Variants in BAHCC1 observed in about 807,000 individuals in gnomAD.
BAHCC1 encodes the protein BAH domain and coiled-coil containing 1.
A neutral mutation model predicts 88.2 loss-of-function variants in BAHCC1; 43 were observed. The observed-to-expected ratio is 0.49, with a 90% CI of 0.38 to 0.63. The LOEUF (loss-of-function observed/expected upper bound fraction) is 0.63, where lower values mean the gene tolerates loss of function less well. Ranked by LOEUF, BAHCC1 falls within the 20% of genes least tolerant of loss-of-function variation. BAHCC1 has a pLI of 0.00. For synonymous variants in BAHCC1, 1,510 were observed against 745.5 expected (o/e 2.03, Z -16.71); for missense variants, 3,023 against 1,654.8 (o/e 1.83, Z -14.34).
At chr17:81,417,329 G>T (rs1233686507) in intron 2 of BAHCC1, among the ~76,000 whole-genome samples, 1 of 152,106 alleles carries the variant, frequency 6.6e-6, no homozygotes, top group East Asian at 1.9e-4. Flanking sequence ...CTGGCCGACC[G>T]CCCCACAGCC....
At position 81,447,518 on chromosome 17, in the gene BAHCC1, G is replaced by A. The variant is rs782788294; in HGVS notation, c.3646G>A (p.Glu1216Lys). 2.9e-5 allele frequency: 22 copies of A among 751,350 alleles called. 1 individual carries two copies. Among genetic ancestry groups the A allele is most frequent in the South Asian group, 1.1e-4 (8 of 70,556 alleles). 46.5% of individuals were successfully genotyped at this position (751,350 alleles called of 1,614,324 possible). ...RAGSPGALED[E>K]GEQPAPEEDE... ...AGGGAGTCCGGGTGCCCTTGAGGACGAGGGGGAGCAGCCGGCCCCTGAGGA... is the reference window on the plus strand; with the variant it reads ...AGGGAGTCCGGGTGCCCTTGAGGACAAGGGGGAGCAGCCGGCCCCTGAGGA... The change falls in exon 11 of 28, where the codon GAG (glutamate) becomes AAG (lysine). Residue 1216 changes from glutamate (E) to lysine (K), a missense_variant. Transcript: ENST00000675386.
intron 2 of BAHCC1, among the ~76,000 whole-genome samples, chr17:81,409,754 G>A (rs1315202235): frequency 2.0e-5 from 3 of 152,208 alleles, no homozygotes; most frequent in African/African-American, 4.8e-5. Flanking sequence ...CCTCTGCGAC[G>A]TCTCCATCCA....
At chr17:81,446,252 G>C (rs1418712947) in intron 10 of BAHCC1, among the ~76,000 whole-genome samples, 1 of 152,212 alleles carries the variant, frequency 6.6e-6, no homozygotes, top group Non-Finnish European at 1.5e-5. Flanking sequence ...AGCTAGCAGA[G>C]GGTTTTTCCG....
chr17:81,460,226 T>A (rs200738218), intron 23 of BAHCC1, 51 bp from the exon 24 acceptor site: 14 of 715,190 alleles, frequency 2.0e-5, no homozygotes, highest in Non-Finnish European at 2.3e-5. Flanking sequence ...CCTCCCTGTT[T>A]CGGGCGCCTA....
chr17:81,407,716 C>T (rs763924140), intron 2 of BAHCC1, among the ~76,000 whole-genome samples: 18 of 152,210 alleles, frequency 1.2e-4, no homozygotes, highest in Non-Finnish European at 2.1e-4. Context: ...CTCTGCAGAC[C>T]CCAGTAAGGA....
chr17:81,413,743 C>T (rs543097256), intron 2 of BAHCC1, among the ~76,000 whole-genome samples: 16 of 152,360 alleles, frequency 1.1e-4, no homozygotes, highest in African/African-American at 2.4e-4. Context: ...GCTCAGGGCG[C>T]GGGTGCGTGA....
At chr17:81,398,894 G>A (rs1487598181) in intron 1 of BAHCC1, among the ~76,000 whole-genome samples, 2 of 151,468 alleles carry the variant, frequency 1.3e-5, no homozygotes, top group African/African-American at 4.9e-5. Context: ...GCCGAAAGAT[G>A]CATGAGGGGG....
At position 81,445,070 on chromosome 17, in the gene BAHCC1, C is replaced by G; in HGVS notation, c.2727C>G (p.Pro909=). ...CCCCCATGTACGGGGGCCGGGGCCC[C>G]GCCTCTCACATGCAGCACCCGGGCC... is the stretch of plus-strand genomic sequence containing the variant. ...LWPPMYGGRG[P]ASHMQHPGQL... is the part of the protein sequence containing the mutation. The change falls in exon 9 of 28, where the codon CCC becomes CCG. Residue 909 remains proline (P), a synonymous_variant. Coordinates refer to ENST00000675386, the MANE Select transcript of BAHCC1 (RefSeq NM_001377448.1). 1 of 768,648 alleles carries G rather than the reference C, an allele frequency of 1.3e-6. No individual in the cohort carries two copies. Among genetic ancestry groups the G allele is most frequent in the Non-Finnish European group, 2.4e-6 (1 of 414,000 alleles). The allele number at this position is 768,648 out of a possible 1,614,324, so 47.6% of individuals were successfully genotyped here. A position where few individuals can be genotyped will look rare whatever the true frequency, so the allele number is the denominator to read the frequency against.
At chr17:81,440,751 ACACT>A (rs1315068903) in intron 4 of BAHCC1, among the ~76,000 whole-genome samples, 2 of 152,138 alleles carry the variant, frequency 1.3e-5, no homozygotes, top group Non-Finnish European at 1.5e-5. Flanking sequence ...GGGACCCCAG[ACACT>A]CACCCCCCAC....
At chr17:81,436,454 G>A (rs909686527) in intron 3 of BAHCC1, among the ~76,000 whole-genome samples, 37 of 152,250 alleles carry the variant, frequency 2.4e-4, no homozygotes, top group African/African-American at 8.9e-4. Flanking sequence ...CGGTGTCTGG[G>A]AAGGAGGAAT....
Position 81,460,353 on chromosome 17 carries a change from C to T in BAHCC1, c.5982C>T (p.Ala1994=), listed in dbSNP as rs782602277. The change falls in exon 24 of 28, where the codon GCC becomes GCT. Residue 1994 remains alanine, a synonymous_variant. Coordinates refer to ENST00000675386, the MANE Select transcript of BAHCC1 (RefSeq NM_001377448.1). ...EFDDGDTGHI[A]VSNVRLLPPD... is the part of the protein sequence containing the mutation. Reference sequence around the variant, plus strand: ...ACGATGGGGATACAGGCCACATCGCCGTCTCCAACGTCAGGCTGCTGCCCC... The same window carrying T: ...ACGATGGGGATACAGGCCACATCGCTGTCTCCAACGTCAGGCTGCTGCCCC... 4 of 774,286 alleles carry T rather than the reference C, an allele frequency of 5.2e-6. No individual in the cohort carries two copies. Among genetic ancestry groups the T allele is most frequent in the East Asian group, 2.4e-5 (1 of 40,934 alleles). The allele number at this position is 774,286 out of a possible 1,614,324, so 48.0% of individuals were successfully genotyped here.
rs370290274 is a variant in BAHCC1 at position 81,460,531 on chromosome 17, C to T, written c.6027C>T (p.Cys2009=). 8 of 747,812 alleles carry T rather than the reference C, an allele frequency of 1.1e-5. No homozygotes were observed. The highest frequency in any genetic ancestry group is 4.6e-4 in the Middle Eastern group (2 of 4,320). The allele number at this position is 747,812 out of a possible 1,614,324, so 46.3% of individuals were successfully genotyped here. ...RLLPPDFKIQ[C]TEPSPALLVS... is the part of the protein sequence containing the mutation. The stretch of plus-strand genomic sequence containing the variant: ...GCCCTTGGCCCATGCTATCCACAGG[C>T]ACAGAGCCCTCTCCAGCCCTGCTAG... The change falls in exon 25 of 28, where the codon TGC becomes TGT. Residue 2009 remains cysteine (C), a splice_region_variant and synonymous_variant. Coordinates refer to ENST00000675386, the MANE Select transcript of BAHCC1 (RefSeq NM_001377448.1).
intron 11 of BAHCC1, among the ~76,000 whole-genome samples, chr17:81,449,680 C>CT (rs1316010982): frequency 1.3e-5 from 2 of 152,044 alleles, no homozygotes; most frequent in African/African-American, 4.8e-5. Flanking sequence ...CAGCCCACCC[C>CT]CCCTCGGCCC....
intron 13 of BAHCC1, among the ~76,000 whole-genome samples, 162 bp from the exon 14 acceptor site, chr17:81,452,561 C>G (rs1460554578): frequency 6.6e-6 from 1 of 152,038 alleles, no homozygotes; most frequent in African/African-American, 2.4e-5. Context: ...GGGCCCCTGG[C>G]TGGCCTTGCC....
intron 16 of BAHCC1, among the ~76,000 whole-genome samples, chr17:81,457,090 G>A (rs1446710104): frequency 6.6e-6 from 1 of 152,194 alleles, no homozygotes; most frequent in Non-Finnish European, 1.5e-5. Flanking sequence ...AGGGGCAGAG[G>A]GCCATCTGGG....
intron 27 of BAHCC1, 33 bp from the exon 28 acceptor site, chr17:81,463,578 C>G: frequency 1.3e-6 from 1 of 777,578 alleles, no homozygotes; most frequent in Non-Finnish European, 2.4e-6. Context: ...TGGCCAAGGC[C>G]GGCCACTGAT....
chr17:81,461,037 T>A lies in BAHCC1; in HGVS notation c.6374T>A (p.Leu2125His), dbSNP rs2030207903. 2.6e-6 allele frequency: 2 copies of A among 772,636 alleles called. No individual in the cohort carries two copies. The highest frequency in any genetic ancestry group is 2.7e-5 in the South Asian group (2 of 74,390). The allele number at this position is 772,636 out of a possible 1,614,324, so 47.9% of individuals were successfully genotyped here. A position where few individuals can be genotyped will look rare whatever the true frequency, so the allele number is the denominator to read the frequency against. Residue 2125 changes from leucine to histidine, a missense_variant, in exon 26 of 28, where the codon CTC becomes CAC. Transcript: ENST00000675386. ...GGGGTGCTGCAGAACCTCTTCCAGC[T>A]CAACGGCAGCAGCAAGAAGCTGCGG... ...GPGVLQNLFQ[L>H]NGSSKKLRAR...
In BAHCC1 at chr17:81,444,511, C is replaced by T. The variant is rs782655241; in HGVS notation, c.2455C>T (p.Pro819Ser). 4.7e-5 allele frequency: 33 copies of T among 698,308 alleles called. No homozygotes were observed. Among genetic ancestry groups the T allele is most frequent in the South Asian group, 4.0e-4 (26 of 65,566 alleles). 43.3% of individuals were successfully genotyped at this position (698,308 alleles called of 1,614,324 possible). A position where few individuals can be genotyped will look rare whatever the true frequency, so the allele number is the denominator to read the frequency against. ...GDPAPHTHPH[P>S]PWLPRTRSPS... Reference sequence around the variant, plus strand: ...CCCAGCCCCCCACACCCACCCCCATCCCCCCTGGCTGCCCCGCACCCGCAG... The same window carrying T: ...CCCAGCCCCCCACACCCACCCCCATTCCCCCTGGCTGCCCCGCACCCGCAG... The change falls in exon 7 of 28, where the codon CCC (proline) becomes TCC (serine). Residue 819 changes from proline (P) to serine (S), a missense_variant. Pro to Ser is a moderately conservative substitution (Grantham distance 74, BLOSUM62 -1). Coordinates refer to ENST00000675386, the MANE Select transcript of BAHCC1 (RefSeq NM_001377448.1).
rs925759810 is a variant in BAHCC1 at position 81,451,534 on chromosome 17, C to G, written c.3977-134C>G. ...GGTGTCAGCCCTGGTGCCCACCTCA[C>G]TCTTCCCGGTCTCCTGACCCTCATC... On this transcript the variant is annotated intron_variant, in intron 11 of 27. Transcript: ENST00000675386. 41 of 607,254 alleles carry G rather than the reference C, an allele frequency of 6.8e-5. 1 individual carries two copies. The Middle Eastern group carries it at 2.6e-3, about 39-fold the overall frequency. 37.6% of individuals were successfully genotyped at this position (607,254 alleles called of 1,614,324 possible). A position where few individuals can be genotyped will look rare whatever the true frequency, so the allele number is the denominator to read the frequency against.
Sources: allele counts gnomAD v4.1 joint callset (sites outside exome capture counted in the v4.1 genomes callset), GRCh38; gene constraint gnomAD v4.1.1; transcripts MANE v1.5; gene names NCBI Gene and HGNC (gene_info 2026-07-23, HGNC 2026-07-21).